Variants in ARMC9 observed in about 807,000 individuals in gnomAD.
ARMC9 encodes armadillo repeat containing 9.
ARMC9 carries 94 observed loss-of-function variants against 107.0 expected under a neutral mutation model. The observed-to-expected ratio is 0.88, with a 90% CI of 0.74 to 1.04. The LOEUF is 1.04. Ranked by LOEUF, ARMC9 falls within the 50% of genes least tolerant of loss-of-function variation. The pLI, the probability that ARMC9 is intolerant of heterozygous loss-of-function variation, is 0.00. For missense variants in ARMC9, 942 were observed against 1,030.1 expected, an observed-to-expected ratio of 0.91 and a Z score of 1.17; for synonymous variants, 380 against 396.9, an observed-to-expected ratio of 0.96 and a Z score of 0.51.
At chr2:231,264,764 T>C (rs1329637060) in intron 12 of ARMC9, among the ~76,000 whole-genome samples, 1 of 152,148 alleles carries the variant, frequency 6.6e-6, no homozygotes, top group East Asian at 1.9e-4. Flanking sequence ...CCCGAAGTGC[T>C]GGGATTACAG....
chr2:231,348,860 T>C (rs2044918420), intron 21 of ARMC9, among the ~76,000 whole-genome samples: 1 of 152,168 alleles, frequency 6.6e-6, no homozygotes, highest in Non-Finnish European at 1.5e-5. Context: ...TCATCAGAGA[T>C]GCAAATCAAC....
At chr2:231,290,037 T>C (rs2040878695) in intron 17 of ARMC9, among the ~76,000 whole-genome samples, 1 of 152,234 alleles carries the variant, frequency 6.6e-6, no homozygotes, top group Non-Finnish European at 1.5e-5. Flanking sequence ...TTACAAACAG[T>C]GAAAAGCACA....
intron 17 of ARMC9, among the ~76,000 whole-genome samples, chr2:231,286,728 T>C (rs957076024): frequency 1.3e-5 from 2 of 152,222 alleles, no homozygotes; most frequent in Non-Finnish European, 2.9e-5. Context: ...TTTATTTTAC[T>C]GTATAATGAG....
At chr2:231,202,319 C>CTTT (rs745728209) in intron 1 of ARMC9, among the ~76,000 whole-genome samples, 13 of 123,890 alleles carry the variant, frequency 1.0e-4, no homozygotes, top group Non-Finnish European at 1.6e-4. Context: ...TCTTGTTTCA[C>CTTT]TTTTTTTTTT....
chr2:231,227,832 C>T (rs1487248745), intron 7 of ARMC9, among the ~76,000 whole-genome samples: 4 of 152,172 alleles, frequency 2.6e-5, no homozygotes, highest in South Asian at 2.1e-4. Flanking sequence ...ATCCCCAGCT[C>T]AGCTGTTCTA....
chr2:231,276,461 G>T (rs1207773385), intron 14 of ARMC9, among the ~76,000 whole-genome samples, 175 bp from the exon 15 acceptor site: 2 of 152,036 alleles, frequency 1.3e-5, no homozygotes, highest in African/African-American at 4.8e-5. Flanking sequence ...GTAGAGACGG[G>T]GTTTCACCAT....
rs558345009 is a variant in ARMC9, at chr2:231,278,740, C to T, written c.1551+282C>T. Among the ~76,000 whole-genome samples, 4 of 152,280 alleles carry T rather than the reference C, an allele frequency of 2.6e-5. No homozygotes were observed. The East Asian group carries it at 7.7e-4, about 29-fold the overall frequency. ...CTGTTTCTCATCATCTAGCCCCCAA[C>T]ATTCCTCCCCCACATGCCATTCCCT... On this transcript the variant is annotated intron_variant, in intron 16 of 24. Transcript: ENST00000611582.
chr2:231,352,747 A>G (rs1575166247), intron 21 of ARMC9, among the ~76,000 whole-genome samples: 1 of 148,924 alleles, frequency 6.7e-6, no homozygotes, highest in East Asian at 1.9e-4. Flanking sequence ...ATAGGTAGGT[A>G]GGTAGGTAGA....
intron 9 of ARMC9, 190 bp from the exon 10 acceptor site, chr2:231,256,396 G>A (rs1390646013): frequency 4.1e-6 from 5 of 1,216,336 alleles, no homozygotes; most frequent in Non-Finnish European, 3.5e-6. Context: ...TTTTTTGTCC[G>A]CCACACGGAA....
intron 20 of ARMC9, among the ~76,000 whole-genome samples, chr2:231,334,322 C>T (rs967554607): frequency 1.3e-5 from 2 of 152,326 alleles, no homozygotes; most frequent in South Asian, 2.1e-4. Context: ...GGGCTCAGCT[C>T]CCCCGAAGGA....
Position 231,358,948 on chromosome 2 carries a change from G to A in ARMC9, c.2132-1806G>A, listed in dbSNP as rs745439328. On this transcript the variant is annotated intron_variant, in intron 22 of 24. Transcript: ENST00000611582. The surrounding 1 kb of genome is among the most constrained non-coding windows in gnomAD (Gnocchi z 4.5). The stretch of plus-strand genomic sequence containing the variant: ...ACATGCCTTGGGACTTCATAGCCCT[G>A]GGAGTTAAAATGCCCAGCCCTGTCT... 6.6e-6 allele frequency among the ~76,000 whole-genome samples: 1 copy of A among 152,120 alleles called. No homozygotes were observed. Among genetic ancestry groups the A allele is most frequent in the Non-Finnish European group, 1.5e-5 (1 of 68,028 alleles).
intron 23 of ARMC9, among the ~76,000 whole-genome samples, chr2:231,361,355 C>A (rs1316002906): frequency 6.7e-6 from 1 of 149,474 alleles, no homozygotes; most frequent in African/African-American, 2.5e-5. Flanking sequence ...AATCCCAACA[C>A]TTTGGGAGGC....
intron 12 of ARMC9, among the ~76,000 whole-genome samples, chr2:231,264,758 A>G (rs1268544684): frequency 6.6e-6 from 1 of 151,982 alleles, no homozygotes. Flanking sequence ...CAGCCTCCCG[A>G]AGTGCTGGGA....
At chr2:231,322,273 C>T (rs564151140) in intron 19 of ARMC9, among the ~76,000 whole-genome samples, 25 of 152,386 alleles carry the variant, frequency 1.6e-4, no homozygotes, top group African/African-American at 6.0e-4. Flanking sequence ...GGGAAGTCAG[C>T]GCCTCACGCT....
Position 231,208,213 on chromosome 2 carries a change from A to G in ARMC9, c.138A>G (p.Val46=), listed in dbSNP as rs1365507687. 6.2e-7 allele frequency: 1 copy of G among 1,611,156 alleles called. No homozygotes were observed. Among genetic ancestry groups the G allele is most frequent in the Non-Finnish European group, 8.5e-7 (1 of 1,179,028 alleles). ...AAGGAAAACCATTGTGTAAAACAGT[A>G]GGCGGATCTTTCAGAGACTCCAAAT... ...KIKGKPLCKT[V]GGSFRDSKSL... is the part of the protein sequence containing the mutation. Residue 46 remains valine, a synonymous_variant, in exon 3 of 25, where the codon GTA becomes GTG. Coordinates refer to ENST00000611582, the MANE Select transcript of ARMC9 (RefSeq NM_001352754.2).
chr2:231,355,679 G>A, intron 21 of ARMC9, 119 bp from the exon 22 acceptor site: 1 of 1,251,264 alleles, frequency 8.0e-7, no homozygotes, highest in Non-Finnish European at 1.1e-6. Flanking sequence ...TGCTAATGAT[G>A]GTTTAACAAG....
chr2:231,282,382 G>A (rs2125454095), intron 17 of ARMC9, among the ~76,000 whole-genome samples: 1 of 152,346 alleles, frequency 6.6e-6, no homozygotes, highest in African/African-American at 2.4e-5. Context: ...CCAGCAGGCT[G>A]ACTTTTGCAA....
chr2:231,350,607 G>A (rs1401523488), intron 21 of ARMC9, among the ~76,000 whole-genome samples: 1 of 144,390 alleles, frequency 6.9e-6, no homozygotes, highest in African/African-American at 2.8e-5. Context: ...GGGCAACAAA[G>A]TGAGACCCTT....
intron 19 of ARMC9, among the ~76,000 whole-genome samples, chr2:231,308,660 G>A (rs934092963): frequency 1.2e-4 from 19 of 152,194 alleles, no homozygotes; most frequent in African/African-American, 4.6e-4. Context: ...AGATGATGTG[G>A]CTAGAACGGA....
Sources: gnomAD v4.1 joint callset for allele counts (sites outside exome capture counted in the v4.1 genomes callset) on GRCh38, gnomAD v4.1.1 for gene constraint, Gnocchi (gnomAD v3.1) non-coding constraint, MANE v1.5 for transcripts, NCBI Gene and HGNC (gene_info 2026-07-23, HGNC 2026-07-21) for gene names.